The following ARHGEF37 variants were observed in gnomAD, a reference collection of about 807,000 sequenced individuals.
The protein encoded by ARHGEF37 is Rho guanine nucleotide exchange factor (GEF) 37.
Under a neutral mutation model 71.1 loss-of-function variants are expected in ARHGEF37, and 55 were observed. The observed-to-expected ratio is 0.77, with a 90% CI of 0.62 to 0.97. The LOEUF (loss-of-function observed/expected upper bound fraction) is 0.97. Among genes scored for constraint, ARHGEF37 ranks in the 50% least tolerant of loss-of-function variants. The pLI, the probability that ARHGEF37 is intolerant of heterozygous loss-of-function variation, is 0.00. For synonymous variants in ARHGEF37, 327 were observed against 350.6 expected, an observed-to-expected ratio of 0.93 and a Z score of 0.75; for missense variants, 765 against 836.8, an observed-to-expected ratio of 0.91 and a Z score of 1.06.
intron 1 of ARHGEF37, among the ~76,000 whole-genome samples, chr5:149,588,388 C>T (rs1763301118): frequency 6.6e-6 from 1 of 152,128 alleles, no homozygotes; most frequent in African/African-American, 2.4e-5. Context: ...CCTCTGCCTC[C>T]AAGGTTCAAG....
intron 1 of ARHGEF37, among the ~76,000 whole-genome samples, chr5:149,559,571 C>A (rs1179778885): frequency 6.6e-6 from 1 of 152,124 alleles, no homozygotes; most frequent in African/African-American, 2.4e-5. Context: ...ATTCCTGTAG[C>A]TAAATCTTTG....
chr5:149,593,384 G>C (rs1763464118), intron 1 of ARHGEF37, among the ~76,000 whole-genome samples: 1 of 152,288 alleles, frequency 6.6e-6, no homozygotes, highest in South Asian at 2.1e-4. Context: ...CTATAGATTA[G>C]CTTATTCTGG....
intron 10 of ARHGEF37, among the ~76,000 whole-genome samples, chr5:149,624,741 C>A (rs1279442519): frequency 2.0e-5 from 3 of 152,146 alleles, no homozygotes; most frequent in African/African-American, 7.2e-5. Flanking sequence ...CTTTTCCTTC[C>A]CTGCCTTCTA....
At chr5:149,612,797 C>T (rs1026525005) in intron 4 of ARHGEF37, among the ~76,000 whole-genome samples, 2 of 152,218 alleles carry the variant, frequency 1.3e-5, no homozygotes, top group Non-Finnish European at 2.9e-5. Flanking sequence ...TAATAATCAC[C>T]ACGCCAGCCA....
chr5:149,563,946 AT>A (rs570750342), intron 1 of ARHGEF37, among the ~76,000 whole-genome samples: 2,745 of 124,840 alleles, frequency 0.022, 12 homozygotes, highest in African/African-American at 0.053. Flanking sequence ...ATTAGTTTAA[AT>A]TTTTTTTTTT....
At chr5:149,588,613 A>G (rs1344254517) in intron 1 of ARHGEF37, among the ~76,000 whole-genome samples, 1 of 152,140 alleles carries the variant, frequency 6.6e-6, no homozygotes, top group East Asian at 1.9e-4. Context: ...ATTCTTCAAC[A>G]GGGTCCTTTG....
chr5:149,615,467 A>G (rs1382943419), intron 4 of ARHGEF37, among the ~76,000 whole-genome samples: 1 of 152,090 alleles, frequency 6.6e-6, no homozygotes, highest in Non-Finnish European at 1.5e-5. Context: ...CCTAAAATTA[A>G]CAAGTGTTAA....
At chr5:149,564,654 G>A (rs558960882) in intron 1 of ARHGEF37, among the ~76,000 whole-genome samples, 2 of 151,994 alleles carry the variant, frequency 1.3e-5, no homozygotes, top group African/African-American at 2.4e-5. Flanking sequence ...GAGAAACCCC[G>A]TCTCTACTAA....
intron 1 of ARHGEF37, among the ~76,000 whole-genome samples, chr5:149,558,771 GTTCCT>G (rs1365848759): frequency 3.1e-4 from 46 of 150,364 alleles, no homozygotes; most frequent in Non-Finnish European, 5.5e-4. Context: ...AATATTTACT[GTTCCT>G]TTCCTTATAA....
chr5:149,555,423 G>A (rs1055214470), intron 1 of ARHGEF37, among the ~76,000 whole-genome samples: 27 of 150,914 alleles, frequency 1.8e-4, no homozygotes, highest in Non-Finnish European at 3.1e-4. Flanking sequence ...CCTGCCTCAA[G>A]CTTCCCCAGT....
At chr5:149,579,359 C>T (rs1250321754), upstream of ARHGEF37, among the ~76,000 whole-genome samples, 3 of 152,166 alleles carry the variant, frequency 2.0e-5, no homozygotes, top group African/African-American at 7.2e-5. Context: ...CACTTCCCGG[C>T]TGACTTTGGA....
chr5:149,558,825 G>GA (rs1177533105), intron 1 of ARHGEF37, among the ~76,000 whole-genome samples: 1 of 150,044 alleles, frequency 6.7e-6, no homozygotes, highest in Non-Finnish European at 1.5e-5. Flanking sequence ...AGATAAATCG[G>GA]AAAAAAACAA....
Position 149,624,011 on chromosome 5 carries a change from G to GCTGC in ARHGEF37, c.1337_1340dup (p.His448AlafsTer23). The GCTGC allele has an allele frequency of 1.3e-6, 2 of 1,594,476 alleles. No homozygotes were observed. The highest frequency in any genetic ancestry group is 4.5e-5 in the East Asian group (2 of 44,318). ...TGTTGACAGTGTCTGTCCCCACTTA[G>GCTGC]CTGCCCCACCACCACGTCCCAGAGC... On this transcript the variant is annotated frameshift_variant and splice_region_variant. Transcript: ENST00000333677. LOFTEE classifies it high-confidence loss of function.
intron 3 of ARHGEF37, among the ~76,000 whole-genome samples, chr5:149,606,986 G>A (rs951698319): frequency 6.6e-6 from 1 of 152,182 alleles, no homozygotes; most frequent in African/African-American, 2.4e-5. Context: ...TGCAATCTCA[G>A]CTCACTGCTA....
At chr5:149,616,156 C>T (rs1752369695) in intron 4 of ARHGEF37, among the ~76,000 whole-genome samples, 1 of 152,022 alleles carries the variant, frequency 6.6e-6, no homozygotes, top group African/African-American at 2.4e-5. Flanking sequence ...GAGGAGAGGA[C>T]ACCCAGGGCA....
chr5:149,575,233 T>C (rs999809900), intron 1 of ARHGEF37, among the ~76,000 whole-genome samples: 1 of 152,248 alleles, frequency 6.6e-6, no homozygotes, highest in Non-Finnish European at 1.5e-5. Flanking sequence ...ACTTTCTGTC[T>C]GGTATAACTT....
intron 1 of ARHGEF37, among the ~76,000 whole-genome samples, chr5:149,570,657 C>T (rs1762952337): frequency 6.6e-6 from 1 of 151,574 alleles, no homozygotes; most frequent in African/African-American, 2.4e-5. Context: ...GTGGGCGGAT[C>T]ACGAGGTCAG....
Position 149,627,185 on chromosome 5 carries a change from T to A in ARHGEF37, c.1574T>A (p.Leu525Gln). 1.2e-6 allele frequency: 2 copies of A among 1,614,150 alleles called. No homozygotes were observed. The highest frequency in any genetic ancestry group is 1.7e-6 in the Non-Finnish European group (2 of 1,180,046). ...SNISGTGTLD[L>Q]TLPRGQIVAI... Reference sequence around the variant, plus strand: ...ATCAGTGGGACTGGGACTCTGGACCTGACTCTGCCTCGGGGCCAAATCGTG... The same window carrying A: ...ATCAGTGGGACTGGGACTCTGGACCAGACTCTGCCTCGGGGCCAAATCGTG... Residue 525 changes from leucine to glutamine, a missense_variant, in exon 11 of 13, where the codon CTG becomes CAG. Physicochemically the swap from Leu to Gln is moderately radical, Grantham distance 113. Coordinates refer to ENST00000333677, the MANE Select transcript of ARHGEF37 (RefSeq NM_001001669.3).
In ARHGEF37 at chr5:149,628,810, A is replaced by T; in HGVS notation, c.1662A>T (p.Gly554=). The stretch of plus-strand genomic sequence containing the variant: ...GCTAACCTTCTGCATGCTCCCTAGG[A>T]CATCGTGGGTATGTGCCGGCTGGGA... ...NSGRWLVDTG[G]HRGYVPAGKL... Residue 554 remains glycine, a splice_region_variant and synonymous_variant, in exon 12 of 13, where the codon GGA becomes GGT. Coordinates refer to ENST00000333677, the MANE Select transcript of ARHGEF37 (RefSeq NM_001001669.3). 1.2e-6 allele frequency: 2 copies of T among 1,612,268 alleles called. No homozygotes were observed. Among genetic ancestry groups the T allele is most frequent in the Non-Finnish European group, 1.7e-6 (2 of 1,179,296 alleles).
Sources: allele counts gnomAD v4.1 joint callset (sites outside exome capture counted in the v4.1 genomes callset), GRCh38; gene constraint gnomAD v4.1.1; transcripts MANE v1.5; gene names NCBI Gene and HGNC (gene_info 2026-07-23, HGNC 2026-07-21).